ADCY8: variants seen among roughly 807,000 people sequenced by gnomAD.
ADCY8 encodes the protein adenylate cyclase type 8.
ADCY8 carries 51 observed loss-of-function variants against 119.7 expected under a neutral mutation model. The ratio of observed to expected loss-of-function variants is 0.43; its 90% CI spans 0.34 to 0.54. The LOEUF (loss-of-function observed/expected upper bound fraction) is 0.54, where lower values mean the gene tolerates loss of function less well. Ranked by LOEUF, ADCY8 falls within the 20% of genes least tolerant of loss-of-function variation. The pLI is 0.03. For synonymous variants in ADCY8, 665 were observed against 651.0 expected (o/e 1.02, Z -0.33); for missense variants, 1,383 against 1,598.8 (o/e 0.87, Z 2.30).
intron 1 of ADCY8, among the ~76,000 whole-genome samples, chr8:130,992,052 TTAA>T (rs906116388): frequency 1.3e-5 from 2 of 149,898 alleles, no homozygotes; most frequent in African/African-American, 4.9e-5. Flanking sequence ...TAATAATTAT[TTAA>T]TAATATATAT....
rs193190254 is a variant in ADCY8, at chr8:130,811,463, C to G, written c.2913+2606G>C. Among the ~76,000 whole-genome samples, 17 of 152,304 alleles carry G rather than the reference C, an allele frequency of 1.1e-4. 1 individual carries two copies. Among genetic ancestry groups the G allele is most frequent in the Admixed American group, 8.5e-4 (13 of 15,304 alleles). On this transcript the variant is annotated intron_variant, in intron 14 of 17. Coordinates refer to ENST00000286355, the MANE Select transcript of ADCY8 (RefSeq NM_001115.3). ...AACCCACTGTCCAAGCCAACTGGCT[C>G]ATTGGTCAGATTTGTCTCAGGGTCT...
intron 12 of ADCY8, among the ~76,000 whole-genome samples, chr8:130,833,248 T>C (rs956223144): frequency 6.6e-6 from 1 of 152,208 alleles, no homozygotes; most frequent in Non-Finnish European, 1.5e-5. Flanking sequence ...CAAGTTTGAA[T>C]ACGGATCTGT....
Position 130,903,836 on chromosome 8 carries a change from G to A in ADCY8, c.1847C>T (p.Ala616Val). 1 of 1,613,762 alleles carries A rather than the reference G, an allele frequency of 6.2e-7. No homozygotes were observed. The highest frequency in any genetic ancestry group is 1.1e-5 in the South Asian group (1 of 91,058). ...VSSSDRRNSG[A>V]TFTEGSWSPE... ...GCTCCAGGATCCTTCAGTGAATGTG[G>A]CCCCACTGTTTCTCCGGTCTGAGGA... Residue 616 changes from alanine (A) to valine (V), a missense_variant, in exon 7 of 18, where the codon GCC becomes GTC. By Grantham distance (64) the Ala-to-Val change is moderately conservative (BLOSUM62 0). This residue lies in a region of ADCY8 where 928 missense variants were observed against 1,163.5 expected (regional missense o/e 0.80). Coordinates refer to ENST00000286355, the MANE Select transcript of ADCY8 (RefSeq NM_001115.3).
chr8:130,797,151 C>A (rs1005039103), intron 15 of ADCY8, among the ~76,000 whole-genome samples: 2 of 152,208 alleles, frequency 1.3e-5, no homozygotes, highest in African/African-American at 4.8e-5. Context: ...GGCCCACTGG[C>A]CACATGTGGC....
intron 2 of ADCY8, among the ~76,000 whole-genome samples, chr8:130,976,917 A>C (rs945090034): frequency 2.6e-5 from 4 of 152,222 alleles, no homozygotes; most frequent in Admixed American, 6.5e-5. Flanking sequence ...GGTAGGAATT[A>C]TTAAAATGGT....
intron 7 of ADCY8, among the ~76,000 whole-genome samples, chr8:130,899,691 A>G (rs1819532249): frequency 6.6e-6 from 1 of 152,208 alleles, no homozygotes; most frequent in South Asian, 2.1e-4. Context: ...AGTATGTAGT[A>G]CACTTGAGTA....
chr8:130,838,146 G>A (rs1716420865), intron 11 of ADCY8, among the ~76,000 whole-genome samples: 1 of 152,162 alleles, frequency 6.6e-6, no homozygotes. Flanking sequence ...GCTAATTTAT[G>A]CATCCTTTCA....
At chr8:130,906,588 G>T (rs531271330) in intron 6 of ADCY8, among the ~76,000 whole-genome samples, 1 of 152,136 alleles carries the variant, frequency 6.6e-6, no homozygotes, top group East Asian at 1.9e-4. Context: ...TTTCATCCTT[G>T]TTACTAACTT....
At chr8:130,951,473 CT>C (rs1429211584) in intron 3 of ADCY8, among the ~76,000 whole-genome samples, 1 of 152,028 alleles carries the variant, frequency 6.6e-6, no homozygotes, top group Admixed American at 6.6e-5. Flanking sequence ...CTGTCATCCT[CT>C]TTGTACTGTT....
At chr8:130,840,988 G>T (rs1003977986) in intron 11 of ADCY8, among the ~76,000 whole-genome samples, 1 of 152,058 alleles carries the variant, frequency 6.6e-6, no homozygotes, top group South Asian at 2.1e-4. Context: ...GAAGTCAAAG[G>T]CATTTCAATA....
At chr8:130,951,371 T>G (rs186377799) in intron 3 of ADCY8, among the ~76,000 whole-genome samples, 46 of 151,938 alleles carry the variant, frequency 3.0e-4, no homozygotes, top group African/African-American at 1.1e-3. Context: ...GATGGGGGAG[T>G]AAGTGGGAAG....
Position 130,909,755 on chromosome 8 carries a change from A to G in ADCY8, c.1593T>C (p.Ser531=). 1 of 1,614,168 alleles carries G rather than the reference A, an allele frequency of 6.2e-7. No homozygotes were observed. Residue 531 remains serine (S), a synonymous_variant, in exon 6 of 18, where the codon TCT becomes TCC. Coordinates refer to ENST00000286355, the MANE Select transcript of ADCY8 (RefSeq NM_001115.3). ...GLRKWQFDVW[S]WDVDIANKLE... is the part of the protein sequence containing the mutation. Reference sequence around the variant, plus strand: ...GTTTGTTTGCAATATCCACATCCCAAGACCAGACATCAAACTGCCACTTCC... The same window carrying G: ...GTTTGTTTGCAATATCCACATCCCAGGACCAGACATCAAACTGCCACTTCC...
intron 13 of ADCY8, among the ~76,000 whole-genome samples, chr8:130,816,707 G>A (rs1816358749): frequency 6.6e-6 from 1 of 152,106 alleles, no homozygotes; most frequent in Non-Finnish European, 1.5e-5. Flanking sequence ...TTACAGGCAT[G>A]AGCCACTGTG....
At chr8:130,908,837 T>G (rs985319437) in intron 6 of ADCY8, among the ~76,000 whole-genome samples, 1 of 152,194 alleles carries the variant, frequency 6.6e-6, no homozygotes, top group Non-Finnish European at 1.5e-5. Flanking sequence ...TCCTAGTTAC[T>G]CTGATTCCAC....
intron 1 of ADCY8, 170 bp from the exon 2 acceptor site, chr8:130,990,712 C>T (rs2130741794): frequency 1.3e-6 from 1 of 796,054 alleles, no homozygotes; most frequent in East Asian, 2.9e-5. Context: ...AGGCAAATGT[C>T]ATCCCTTTGG....
intron 5 of ADCY8, among the ~76,000 whole-genome samples, chr8:130,919,226 T>TAA (rs1190117765): frequency 3.3e-5 from 5 of 152,134 alleles, no homozygotes; most frequent in African/African-American, 1.2e-4. Context: ...CCCAGACACT[T>TAA]AACAGTTACA....
chr8:130,974,887 G>C (rs1822024190), intron 2 of ADCY8, among the ~76,000 whole-genome samples: 1 of 152,182 alleles, frequency 6.6e-6, no homozygotes, highest in East Asian at 1.9e-4. Context: ...CCAGTGTCTA[G>C]TCACAAGTTT....
At chr8:130,813,503 G>C (rs879505982) in intron 14 of ADCY8, among the ~76,000 whole-genome samples, 1 of 152,040 alleles carries the variant, frequency 6.6e-6, no homozygotes, top group Non-Finnish European at 1.5e-5. Flanking sequence ...TTTGCGAATG[G>C]CCCATTTTAC....
chr8:130,790,633 CA>C (rs1815395595), intron 15 of ADCY8, among the ~76,000 whole-genome samples: 1 of 152,298 alleles, frequency 6.6e-6, no homozygotes, highest in South Asian at 2.1e-4. Context: ...TGGTGGGGCA[CA>C]GACAGGTCAC....
Sources: allele counts gnomAD v4.1 joint callset (sites outside exome capture counted in the v4.1 genomes callset), GRCh38; gene constraint gnomAD v4.1.1; regional missense constraint gnomAD v4.1.1; transcripts MANE v1.5; gene names NCBI Gene and HGNC (gene_info 2026-07-23, HGNC 2026-07-21).